RANBP3: variants seen among roughly 807,000 people sequenced by gnomAD.
RANBP3 encodes ran-binding protein 3.
Under a neutral mutation model 77.3 loss-of-function variants are expected in RANBP3, and 14 were observed. That is an observed-to-expected ratio of 0.18 (90% CI 0.12 to 0.28). The LOEUF (loss-of-function observed/expected upper bound fraction) is 0.28. Ranked by LOEUF, RANBP3 falls within the 10% of genes least tolerant of loss-of-function variation. RANBP3 has a pLI of 1.00. For synonymous variants in RANBP3, 315 were observed against 312.4 expected (o/e 1.01, Z -0.09); for missense variants, 586 against 752.3 (o/e 0.78, Z 2.59).
chr19:5,944,815 C>A (rs2058183143), intron 3 of RANBP3, among the ~76,000 whole-genome samples: 1 of 152,212 alleles, frequency 6.6e-6, no homozygotes, highest in Non-Finnish European at 1.5e-5. Flanking sequence ...ACCCCCAAGT[C>A]CCATCCTGTG....
At chr19:5,975,515 T>C (rs1285436469) in intron 1 of RANBP3, among the ~76,000 whole-genome samples, 1 of 151,686 alleles carries the variant, frequency 6.6e-6, no homozygotes, top group Non-Finnish European at 1.5e-5. Flanking sequence ...ATTCATGCAT[T>C]CATTCATTCA....
chr19:5,962,601 A>G, intron 1 of RANBP3: 1 of 454,114 alleles, frequency 2.2e-6, no homozygotes, highest in Non-Finnish European at 4.4e-6. Flanking sequence ...ATAGGAGATG[A>G]ACTTGGCCCA....
In RANBP3 at chr19:5,933,442, C is replaced by T. The variant is rs747729758; in HGVS notation, c.444G>A (p.Thr148=). 11 of 1,613,382 alleles carry T rather than the reference C, an allele frequency of 6.8e-6. No homozygotes were observed. The highest frequency in any genetic ancestry group is 5.5e-5 in the South Asian group (5 of 91,008). ...RSSGFRLKPP[T]LIHGQAPSAG... is the part of the protein sequence containing the mutation. Reference sequence around the variant, plus strand: ...CGCTGGGGGCTTGGCCGTGGATCAGCGTTGGTGGCTTCAACCGGAAGCCAC... The same window carrying T: ...CGCTGGGGGCTTGGCCGTGGATCAGTGTTGGTGGCTTCAACCGGAAGCCAC... The change falls in exon 6 of 17, where the codon ACG becomes ACA. Residue 148 remains threonine, a synonymous_variant. Coordinates refer to ENST00000340578, the MANE Select transcript of RANBP3 (RefSeq NM_007322.3).
At chr19:5,965,154 G>A (rs530943452) in intron 1 of RANBP3, among the ~76,000 whole-genome samples, 1 of 152,176 alleles carries the variant, frequency 6.6e-6, no homozygotes, top group East Asian at 1.9e-4. Flanking sequence ...TTGAGGAGGT[G>A]GGCCCTTCCT....
chr19:5,919,111 CCT>C (rs2057784231), intron 14 of RANBP3, among the ~76,000 whole-genome samples: 1 of 152,304 alleles, frequency 6.6e-6, no homozygotes, highest in South Asian at 2.1e-4. Flanking sequence ...ACTGGCCTCC[CCT>C]GAGTGGGCCA....
At chr19:5,967,833 C>A (rs1568481695) in intron 1 of RANBP3, among the ~76,000 whole-genome samples, 1 of 152,140 alleles carries the variant, frequency 6.6e-6, no homozygotes, top group South Asian at 2.1e-4. Flanking sequence ...CCAGCCTGGG[C>A]AACATGGTGA....
intron 3 of RANBP3, among the ~76,000 whole-genome samples, chr19:5,949,143 G>A (rs2058244281): frequency 1.3e-5 from 2 of 152,236 alleles, no homozygotes; most frequent in South Asian, 4.1e-4. Context: ...CAGACTAGAT[G>A]TGACGGATGA....
At chr19:5,925,458 C>A in intron 10 of RANBP3, 176 bp downstream of exon 10, 1 of 621,030 alleles carries the variant, frequency 1.6e-6, no homozygotes, top group Non-Finnish European at 2.9e-6. Context: ...ACAAGGCCCA[C>A]CACCCTGGCC....
chr19:5,950,338 A>G (rs2058260077), intron 3 of RANBP3, among the ~76,000 whole-genome samples: 1 of 151,860 alleles, frequency 6.6e-6, no homozygotes, highest in Admixed American at 6.6e-5. Context: ...CCTCCCCCAC[A>G]CCCATAGCCT....
At chr19:5,950,653 G>A (rs1207965771) in intron 3 of RANBP3, 2 of 152,106 alleles carry the variant, frequency 1.3e-5, no homozygotes, top group African/African-American at 2.4e-5. Flanking sequence ...TGAGAATAGG[G>A]GTCTTCTGTC....
chr19:5,936,196 C>T (rs975579064), intron 5 of RANBP3, among the ~76,000 whole-genome samples: 6 of 152,194 alleles, frequency 3.9e-5, no homozygotes, highest in Admixed American at 6.5e-5. Flanking sequence ...GCGTGGACGG[C>T]GCTGGTGCAG....
chr19:5,972,805 C>T (rs1429549025), intron 1 of RANBP3, among the ~76,000 whole-genome samples: 1 of 152,222 alleles, frequency 6.6e-6, no homozygotes, highest in Admixed American at 6.5e-5. Flanking sequence ...CCCATTCCTG[C>T]TGCTTCTGCT....
At position 5,924,380 on chromosome 19, in the gene RANBP3, G is replaced by C. The variant is rs1268387381; in HGVS notation, c.996+447C>G. ...CTAGAACCCTCTCCCAGGCTGGCTG[G>C]GCTCCTGGGAACGGAGATGGGCCTT... On this transcript the variant is annotated intron_variant, in intron 11 of 16. Transcript: ENST00000340578. The surrounding 1 kb of genome is among the most constrained non-coding windows in gnomAD (Gnocchi z 4.7). 6.6e-6 allele frequency among the ~76,000 whole-genome samples: 1 copy of C among 152,248 alleles called. No homozygotes were observed. The highest frequency in any genetic ancestry group is 1.5e-5 in the Non-Finnish European group (1 of 68,040).
At chr19:5,928,172 C>T in intron 8 of RANBP3, 85 bp from the exon 9 acceptor site, 2 of 1,499,828 alleles carry the variant, frequency 1.3e-6, no homozygotes, top group Non-Finnish European at 1.8e-6. Flanking sequence ...CACACCAGAT[C>T]ATGTACTCCA....
intron 1 of RANBP3, among the ~76,000 whole-genome samples, chr19:5,970,116 C>G (rs1336820276): frequency 2.6e-5 from 4 of 152,070 alleles, no homozygotes. Flanking sequence ...GGATGGAGAC[C>G]AGGGATGCTG....
chr19:5,962,719 A>G (rs1303489458), intron 1 of RANBP3: 1 of 456,046 alleles, frequency 2.2e-6, no homozygotes, highest in Non-Finnish European at 4.4e-6. Context: ...CACCCAAAAC[A>G]CAGAGCGTCA....
intron 9 of RANBP3, 176 bp from the exon 10 acceptor site, chr19:5,925,913 C>A (rs1025845952): frequency 3.3e-6 from 2 of 604,168 alleles, no homozygotes; most frequent in South Asian, 3.9e-5. Flanking sequence ...ATAATCAACT[C>A]CATCACCTTT....
At chr19:5,960,033 G>T (rs1298914222) in intron 1 of RANBP3, among the ~76,000 whole-genome samples, 1 of 152,106 alleles carries the variant, frequency 6.6e-6, no homozygotes, top group African/African-American at 2.4e-5. Flanking sequence ...CAGGCCTTTC[G>T]CTGGAGATCC....
intron 3 of RANBP3, among the ~76,000 whole-genome samples, chr19:5,950,037 C>A (rs1025397356): frequency 6.6e-6 from 1 of 152,220 alleles, no homozygotes; most frequent in African/African-American, 2.4e-5. Context: ...TGTTCCCAGA[C>A]AGCTGAAGAC....
Sources: gnomAD v4.1 joint callset for allele counts (sites outside exome capture counted in the v4.1 genomes callset) on GRCh38, gnomAD v4.1.1 for gene constraint, Gnocchi (gnomAD v3.1) non-coding constraint, MANE v1.5 for transcripts, NCBI Gene and HGNC (gene_info 2026-07-23, HGNC 2026-07-21) for gene names.